DTD1: variants seen among roughly 807,000 people sequenced by gnomAD.
DTD1 encodes D-tyrosyl-tRNA deacylase 1 homolog.
DTD1 carries 13 observed loss-of-function variants against 25.6 expected under a neutral mutation model. The observed-to-expected ratio is 0.51, with a 90% CI of 0.33 to 0.81. DTD1 has a LOEUF of 0.81. Ranked by LOEUF, DTD1 falls within the 30% of genes least tolerant of loss-of-function variation. The pLI, the probability that DTD1 is intolerant of heterozygous loss-of-function variation, is 0.02. For missense variants in DTD1, 193 were observed against 266.4 expected, an observed-to-expected ratio of 0.72 and a Z score of 1.92; for synonymous variants, 110 against 103.6, an observed-to-expected ratio of 1.06 and a Z score of -0.37.
chr20:18,759,643 C>T (rs1480709586), intron 5 of DTD1, among the ~76,000 whole-genome samples: 1 of 152,216 alleles, frequency 6.6e-6, no homozygotes, highest in South Asian at 2.1e-4. Context: ...GGTAACCCAA[C>T]CTTTCTCTCT....
intron 4 of DTD1, among the ~76,000 whole-genome samples, chr20:18,708,354 C>CTA (rs1358218507): frequency 1.6e-5 from 1 of 61,468 alleles, no homozygotes; most frequent in African/African-American, 5.9e-5. Flanking sequence ...TATTATATAT[C>CTA]TATATATATA....
chr20:18,757,501 A>G (rs1201084942), intron 5 of DTD1, among the ~76,000 whole-genome samples: 1 of 152,186 alleles, frequency 6.6e-6, no homozygotes, highest in Non-Finnish European at 1.5e-5. Flanking sequence ...AATTTTGTCA[A>G]AGGCCTGTTC....
At chr20:18,629,748 A>G (rs1316483758) in intron 4 of DTD1, among the ~76,000 whole-genome samples, 1 of 151,940 alleles carries the variant, frequency 6.6e-6, no homozygotes, top group East Asian at 1.9e-4. Context: ...CAGGCTGTGC[A>G]GGAAGGATGG....
chr20:18,588,640 C>A, intron 1 of DTD1: 1 of 665,220 alleles, frequency 1.5e-6, no homozygotes, highest in Non-Finnish European at 1.9e-6. Context: ...CAGTTGCGTG[C>A]ACGTACGTGA....
intron 4 of DTD1, among the ~76,000 whole-genome samples, chr20:18,644,139 A>G (rs973300974): frequency 6.6e-6 from 1 of 151,836 alleles, no homozygotes; most frequent in African/African-American, 2.4e-5. Context: ...CTTTTTTTAC[A>G]TCTCCTTTTG....
intron 3 of DTD1, among the ~76,000 whole-genome samples, chr20:18,621,013 C>T (rs1221100880): frequency 6.6e-6 from 1 of 152,200 alleles, no homozygotes; most frequent in Non-Finnish European, 1.5e-5. Context: ...AGGAAATTAA[C>T]ACTGATAACA....
chr20:18,684,147 G>C lies in DTD1; in HGVS notation c.477+55914G>C, dbSNP rs565874618. ...TCTCAGCAATTCACTGTGAGAATCTGGTCCAGTTCCTGTCTGGAAAGATCC... is the reference window on the plus strand; with the variant it reads ...TCTCAGCAATTCACTGTGAGAATCTCGTCCAGTTCCTGTCTGGAAAGATCC... On this transcript the variant is annotated intron_variant, in intron 4 of 5. Coordinates refer to ENST00000377452, the MANE Select transcript of DTD1 (RefSeq NM_080820.6). 2.0e-5 allele frequency among the ~76,000 whole-genome samples: 3 copies of C among 152,196 alleles called. No homozygotes were observed. In the East Asian group the frequency reaches 5.8e-4, roughly 29 times the overall value.
intron 4 of DTD1, chr20:18,631,533 A>G: frequency 1.0e-6 from 1 of 985,178 alleles, no homozygotes; most frequent in Non-Finnish European, 1.2e-6. Context: ...AAATGCTTCC[A>G]TTTCCTCCCT....
At chr20:18,756,931 C>T (rs1368536773) in intron 5 of DTD1, among the ~76,000 whole-genome samples, 2 of 147,632 alleles carry the variant, frequency 1.4e-5, no homozygotes, top group Non-Finnish European at 3.0e-5. Context: ...TTGTTTTTAT[C>T]CTCTTTTATT....
rs932571109 is a variant in DTD1 at position 18,749,342 on chromosome 20, G to A, written c.*19+5071G>A. On this transcript the variant is annotated intron_variant, in intron 5 of 5. Coordinates refer to ENST00000377452, the MANE Select transcript of DTD1 (RefSeq NM_080820.6). The surrounding 1 kb of genome is among the most constrained non-coding windows in gnomAD (Gnocchi z 4.2). Reference sequence around the variant, plus strand: ...GCTGCTCAGCATCGCCGTGGGGTGGGGAAGGCTCCAGAGGGTGTTCTCTGC... The same window carrying A: ...GCTGCTCAGCATCGCCGTGGGGTGGAGAAGGCTCCAGAGGGTGTTCTCTGC... Among the ~76,000 whole-genome samples, 3 of 152,180 alleles carry A rather than the reference G, an allele frequency of 2.0e-5. No homozygotes were observed. Among genetic ancestry groups the A allele is most frequent in the Middle Eastern group, 3.2e-3 (1 of 316 alleles).
At chr20:18,636,835 A>G (rs886653965) in intron 4 of DTD1, among the ~76,000 whole-genome samples, 8 of 152,176 alleles carry the variant, frequency 5.3e-5, no homozygotes, top group East Asian at 1.9e-4. Flanking sequence ...TTCTTTCTCT[A>G]TCAAAGTTAT....
chr20:18,666,811 G>A (rs868033210), intron 4 of DTD1, among the ~76,000 whole-genome samples: 10 of 152,126 alleles, frequency 6.6e-5, no homozygotes, highest in Middle Eastern at 3.2e-3. Flanking sequence ...ATCAGTTTAT[G>A]TGTGTGTTTT....
chr20:18,762,345 G>A (rs1051357332), intron 5 of DTD1, among the ~76,000 whole-genome samples: 3 of 152,206 alleles, frequency 2.0e-5, no homozygotes, highest in Non-Finnish European at 4.4e-5. Flanking sequence ...GATGACAAAT[G>A]CATGCATCAT....
intron 3 of DTD1, among the ~76,000 whole-genome samples, chr20:18,609,094 G>C (rs536060093): frequency 2.1e-4 from 32 of 151,698 alleles, no homozygotes; most frequent in African/African-American, 6.3e-4. Flanking sequence ...TTTCAATGTT[G>C]AACTGCAGTA....
intron 3 of DTD1, chr20:18,611,115 A>C (rs1425407128): frequency 6.6e-6 from 1 of 152,262 alleles, no homozygotes; most frequent in African/African-American, 2.4e-5. Flanking sequence ...ATCAGGCCCA[A>C]GGGCCCCTTC....
intron 1 of DTD1, chr20:18,592,398 G>A (rs1360919194): frequency 6.6e-6 from 1 of 152,180 alleles, no homozygotes; most frequent in Non-Finnish European, 1.5e-5. Context: ...GATTGCTTGA[G>A]CCCAGGGGTT....
At chr20:18,652,115 G>A (rs183001722) in intron 4 of DTD1, among the ~76,000 whole-genome samples, 2 of 152,324 alleles carry the variant, frequency 1.3e-5, no homozygotes, top group African/African-American at 2.4e-5. Flanking sequence ...TGAAGCTAAC[G>A]TGGAACTGTC....
chr20:18,642,580 C>G (rs78743660), intron 4 of DTD1, among the ~76,000 whole-genome samples: 2,756 of 152,006 alleles, frequency 0.018, 36 homozygotes, highest in Middle Eastern at 0.041. Context: ...AGTTGTTTAC[C>G]CTCTTCAGAA....
intron 5 of DTD1, among the ~76,000 whole-genome samples, chr20:18,745,638 C>T (rs1319633067): frequency 6.6e-6 from 1 of 152,032 alleles, no homozygotes; most frequent in Non-Finnish European, 1.5e-5. Flanking sequence ...GTGCAAATGC[C>T]ATCTGGAGGT....
Sources: allele counts gnomAD v4.1 joint callset (sites outside exome capture counted in the v4.1 genomes callset), GRCh38; gene constraint gnomAD v4.1.1; non-coding constraint Gnocchi (gnomAD v3.1); transcripts MANE v1.5; gene names NCBI Gene and HGNC (gene_info 2026-07-23, HGNC 2026-07-21).